The following MTDH variants were observed in gnomAD, a reference collection of about 807,000 sequenced individuals.
MTDH encodes the protein metadherin.
Under a neutral mutation model 72.7 loss-of-function variants are expected in MTDH, and 34 were observed. That is an observed-to-expected ratio of 0.47 (90% CI 0.36 to 0.62). The LOEUF (loss-of-function observed/expected upper bound fraction) is 0.62. Ranked by LOEUF, MTDH falls within the 20% of genes least tolerant of loss-of-function variation. The pLI is 0.00. For synonymous variants in MTDH, 266 were observed against 268.9 expected (o/e 0.99, Z 0.10); for missense variants, 677 against 699.4 (o/e 0.97, Z 0.36).
chr8:97,691,687 TTGTGTGTGTGTGTGTTTG>T (rs1813612154), intron 6 of MTDH, among the ~76,000 whole-genome samples: 1 of 148,446 alleles, frequency 6.7e-6, no homozygotes, highest in Non-Finnish European at 1.5e-5. Flanking sequence ...GCAGCTTAAT[TTGTGTGTGTGTGTGTTTG>T]TGTGTGTGTG....
At chr8:97,685,760 A>AG (rs753056245) in intron 2 of MTDH, among the ~76,000 whole-genome samples, 14 of 151,752 alleles carry the variant, frequency 9.2e-5, no homozygotes, top group Non-Finnish European at 1.6e-4. Flanking sequence ...ACTCCATCTC[A>AG]GAAAAAAAAA....
Position 97,661,053 on chromosome 8 carries a change from C to A in MTDH, c.382-19C>A. On this transcript the variant is annotated intron_variant, in intron 1 of 11. Coordinates refer to ENST00000336273, the MANE Select transcript of MTDH (RefSeq NM_178812.4). ...TGCTAAGCAGTTTGATAATATGATA[C>A]TTTTTGTTGCCTGTGCAGCCAAATG... 5 of 1,603,986 alleles carry A rather than the reference C, an allele frequency of 3.1e-6. No homozygotes were observed. Among genetic ancestry groups the A allele is most frequent in the South Asian group, 1.1e-5 (1 of 89,918 alleles).
intron 9 of MTDH, among the ~76,000 whole-genome samples, chr8:97,715,365 G>A (rs1814821756): frequency 6.6e-6 from 1 of 151,934 alleles, no homozygotes; most frequent in Non-Finnish European, 1.5e-5. Flanking sequence ...CTGGCCTCGA[G>A]TGATCTTCCT....
At chr8:97,661,437 C>G (rs1488517061) in intron 2 of MTDH, among the ~76,000 whole-genome samples, 1 of 152,060 alleles carries the variant, frequency 6.6e-6, no homozygotes, top group Admixed American at 6.6e-5. Context: ...TCATTCACAA[C>G]TTGAACATCT....
chr8:97,686,330 T>C (rs1002444927), intron 2 of MTDH, among the ~76,000 whole-genome samples: 7 of 152,212 alleles, frequency 4.6e-5, no homozygotes, highest in Admixed American at 1.3e-4. Flanking sequence ...TAATTATGAC[T>C]TAGTTTACTA....
chr8:97,679,307 C>T (rs1812975521), intron 2 of MTDH, among the ~76,000 whole-genome samples: 1 of 151,888 alleles, frequency 6.6e-6, no homozygotes, highest in South Asian at 2.1e-4. Flanking sequence ...TTATCTCACC[C>T]ATGGTAATAA....
chr8:97,682,228 CTTTATATATATATATATA>C (rs1457064677), intron 2 of MTDH, among the ~76,000 whole-genome samples: 8 of 44,056 alleles, frequency 1.8e-4, no homozygotes, highest in Admixed American at 3.1e-4. Flanking sequence ...TTGTTAATTA[CTTTATATATATATATATA>C]TATATATATA....
At chr8:97,671,090 C>T (rs928840672) in intron 2 of MTDH, among the ~76,000 whole-genome samples, 3 of 151,868 alleles carry the variant, frequency 2.0e-5, no homozygotes, top group Non-Finnish European at 2.9e-5. Flanking sequence ...CTCAGCCTCC[C>T]GAGTAGCTGG....
intron 1 of MTDH, among the ~76,000 whole-genome samples, chr8:97,647,927 C>G (rs1462475693): frequency 6.7e-6 from 1 of 148,340 alleles, no homozygotes; most frequent in East Asian, 2.0e-4. Context: ...CTGGGCAACA[C>G]AGCAAGACTC....
In MTDH at chr8:97,729,847, A is replaced by G. The variant is rs1815492271; in HGVS notation, c.*5177A>G. The stretch of plus-strand genomic sequence containing the variant: ...CCACTCAGTGACTGCTTTAAATTCT[A>G]GAGACAGAGGCTGAGAGAAACTTAG... On this transcript the variant is annotated 3_prime_UTR_variant, in exon 12 of 12. Coordinates refer to ENST00000336273, the MANE Select transcript of MTDH (RefSeq NM_178812.4). 6.6e-6 allele frequency among the ~76,000 whole-genome samples: 1 copy of G among 152,160 alleles called. No individual in the cohort carries two copies. Among genetic ancestry groups the G allele is most frequent in the South Asian group, 2.1e-4 (1 of 4,830 alleles).
chr8:97,655,807 T>G (rs1811950125), intron 1 of MTDH, among the ~76,000 whole-genome samples: 1 of 152,166 alleles, frequency 6.6e-6, no homozygotes, highest in African/African-American at 2.4e-5. Flanking sequence ...TAAGAAAAAT[T>G]TTAAAAAGAA....
In MTDH at chr8:97,727,729, A is replaced by T. The variant is rs1342454825; in HGVS notation, c.*3059A>T. Reference sequence around the variant, plus strand: ...GAAAGGTATCCTAGAGAAGCCACTCAAAAGGCTCCCTAATCCAGCCTGTCT... The same window carrying T: ...GAAAGGTATCCTAGAGAAGCCACTCTAAAGGCTCCCTAATCCAGCCTGTCT... On this transcript the variant is annotated 3_prime_UTR_variant, in exon 12 of 12. Coordinates refer to ENST00000336273, the MANE Select transcript of MTDH (RefSeq NM_178812.4). 6.6e-6 allele frequency: 1 copy of T among 152,150 alleles called. No homozygotes were observed. The allele number at this position is 152,150 out of a possible 1,614,324, so 9.4% of individuals were successfully genotyped here.
chr8:97,725,603 T>C lies in MTDH; in HGVS notation c.*933T>C, dbSNP rs762664777. The C allele has an allele frequency of 6.6e-6, 1 of 152,638 alleles. No individual in the cohort carries two copies. The highest frequency in any genetic ancestry group is 2.1e-4 in the South Asian group (1 of 4,834). 9.5% of individuals were successfully genotyped at this position (152,638 alleles called of 1,614,324 possible). Reference sequence around the variant, plus strand: ...AAAAACTAGAGTCAGACAGCTTTAATTGACATTGTCAACACCTCCAGTTAT... The same window carrying C: ...AAAAACTAGAGTCAGACAGCTTTAACTGACATTGTCAACACCTCCAGTTAT... On this transcript the variant is annotated 3_prime_UTR_variant, in exon 12 of 12. Coordinates refer to ENST00000336273, the MANE Select transcript of MTDH (RefSeq NM_178812.4).
intron 1 of MTDH, among the ~76,000 whole-genome samples, chr8:97,660,522 AGTTTCT>A (rs1812135191): frequency 6.6e-6 from 1 of 152,214 alleles, no homozygotes; most frequent in South Asian, 2.1e-4. Flanking sequence ...AACCTAAAAT[AGTTTCT>A]GTTTTGTTTT....
At chr8:97,723,749 A>T (rs1032115624) in intron 11 of MTDH, among the ~76,000 whole-genome samples, 32 of 151,822 alleles carry the variant, frequency 2.1e-4, no homozygotes, top group African/African-American at 7.7e-4. Context: ...TCTCAAAAAA[A>T]AAAGAGAAAA....
intron 7 of MTDH, among the ~76,000 whole-genome samples, chr8:97,704,744 A>G (rs998638509): frequency 1.3e-5 from 2 of 152,088 alleles, no homozygotes; most frequent in African/African-American, 2.4e-5. Context: ...TTCCCAGATT[A>G]TTATATATTC....
intron 2 of MTDH, among the ~76,000 whole-genome samples, chr8:97,667,912 G>A (rs1264752140): frequency 6.6e-6 from 1 of 151,592 alleles, no homozygotes; most frequent in East Asian, 1.9e-4. Flanking sequence ...AGTACATAAG[G>A]AATTTCTAAT....
At chr8:97,700,884 G>A (rs1021862197) in intron 7 of MTDH, among the ~76,000 whole-genome samples, 5 of 152,140 alleles carry the variant, frequency 3.3e-5, no homozygotes, top group Non-Finnish European at 7.4e-5. Context: ...ATCAAGGTAA[G>A]CTGGCGACAC....
At chr8:97,675,226 G>A (rs187603318) in intron 2 of MTDH, among the ~76,000 whole-genome samples, 4 of 152,198 alleles carry the variant, frequency 2.6e-5, no homozygotes, top group Admixed American at 2.6e-4. Context: ...AATTTTTAAG[G>A]ACCAGTACAT....
Sources: allele counts gnomAD v4.1 joint callset (sites outside exome capture counted in the v4.1 genomes callset), GRCh38; gene constraint gnomAD v4.1.1; transcripts MANE v1.5; gene names NCBI Gene and HGNC (gene_info 2026-07-23, HGNC 2026-07-21).